The following TTLL5 variants were observed in gnomAD, a reference collection of about 807,000 sequenced individuals.
The protein encoded by TTLL5 is tubulin polyglutamylase TTLL5.
TTLL5 carries 132 observed loss-of-function variants against 168.4 expected under a neutral mutation model. The ratio of observed to expected loss-of-function variants is 0.78; its 90% CI spans 0.68 to 0.91. The LOEUF (loss-of-function observed/expected upper bound fraction) is 0.91. Among genes scored for constraint, TTLL5 ranks in the 40% least tolerant of loss-of-function variants. The pLI is 0.00. For missense variants in TTLL5, 1,545 were observed against 1,581.5 expected, an observed-to-expected ratio of 0.98 and a Z score of 0.39; for synonymous variants, 546 against 558.6, an observed-to-expected ratio of 0.98 and a Z score of 0.32.
At chr14:75,662,131 T>C (rs1890772891) in intron 1 of TTLL5, among the ~76,000 whole-genome samples, 1 of 152,190 alleles carries the variant, frequency 6.6e-6, no homozygotes, top group Admixed American at 6.5e-5. Flanking sequence ...TACCAAACTT[T>C]GTGATTTTTA....
chr14:75,838,712 G>A (rs1248321123), intron 28 of TTLL5: 1 of 152,762 alleles, frequency 6.5e-6, no homozygotes. Flanking sequence ...CTAAGATGTT[G>A]ACAGTGCCTT....
At chr14:75,816,513 G>A (rs764141334) in intron 27 of TTLL5, among the ~76,000 whole-genome samples, 2 of 152,230 alleles carry the variant, frequency 1.3e-5, no homozygotes, top group Non-Finnish European at 2.9e-5. Flanking sequence ...ATTAGGGGCA[G>A]TCTTGCCAAA....
chr14:75,768,723 T>G (rs1175918648), intron 20 of TTLL5, among the ~76,000 whole-genome samples: 2 of 152,182 alleles, frequency 1.3e-5, no homozygotes, highest in African/African-American at 4.8e-5. Flanking sequence ...TTTAGCCGTT[T>G]ATGCATGATA....
chr14:75,706,641 T>C (rs1886677092), intron 7 of TTLL5, among the ~76,000 whole-genome samples: 1 of 152,204 alleles, frequency 6.6e-6, no homozygotes, highest in South Asian at 2.1e-4. Flanking sequence ...AAATTTCCAT[T>C]ATACTTCAGG....
chr14:75,687,128 G>A (rs1331143910), intron 5 of TTLL5, among the ~76,000 whole-genome samples: 1 of 151,888 alleles, frequency 6.6e-6, no homozygotes. Context: ...TTGAAATAAG[G>A]GTCATAGACC....
intron 31 of TTLL5, among the ~76,000 whole-genome samples, chr14:75,911,340 GCAGTTAGTTGATAC>G (rs559520095): frequency 4.1e-4 from 62 of 152,254 alleles, no homozygotes; most frequent in African/African-American, 1.4e-3. Flanking sequence ...GTCTGGTTAT[GCAGTTAGTTGATAC>G]CAGAGAGGAG....
At chr14:75,734,886 A>G (rs1342550336) in intron 14 of TTLL5, among the ~76,000 whole-genome samples, 1 of 152,242 alleles carries the variant, frequency 6.6e-6, no homozygotes, top group Non-Finnish European at 1.5e-5. Flanking sequence ...TGTGTGTTTT[A>G]AAATGGTAAT....
intron 7 of TTLL5, among the ~76,000 whole-genome samples, chr14:75,706,515 A>C (rs1566821785): frequency 6.6e-6 from 1 of 152,208 alleles, no homozygotes; most frequent in East Asian, 1.9e-4. Context: ...CCCTTAAGTG[A>C]ATCAATTAAA....
At chr14:75,908,922 A>C (rs1402326226) in intron 31 of TTLL5, among the ~76,000 whole-genome samples, 2 of 152,092 alleles carry the variant, frequency 1.3e-5, no homozygotes, top group African/African-American at 4.8e-5. Flanking sequence ...GACTACAGGC[A>C]TGTGCCACAA....
chr14:75,914,033 A>AAAAAAAAAATAT, intron 31 of TTLL5, among the ~76,000 whole-genome samples: 1 of 71,100 alleles, frequency 1.4e-5, no homozygotes, highest in African/African-American at 1.5e-4. Context: ...AAAAAAAAAA[A>AAAAAAAAAATAT]ATATATATAT....
intron 29 of TTLL5, among the ~76,000 whole-genome samples, chr14:75,870,229 A>G (rs1002925761): frequency 1.3e-5 from 2 of 150,846 alleles, no homozygotes; most frequent in African/African-American, 4.9e-5. Context: ...GTTTTCCTGC[A>G]CTTAGGCCTA....
chr14:75,663,570 ATGTCCAAACTCT>A (rs2140075470), intron 2 of TTLL5, among the ~76,000 whole-genome samples: 1 of 152,374 alleles, frequency 6.6e-6, no homozygotes, highest in East Asian at 1.9e-4. Context: ...GAAGAAAAGC[ATGTCCAAACTCT>A]ACAACATTAG....
intron 29 of TTLL5, among the ~76,000 whole-genome samples, chr14:75,867,995 G>A (rs1595175262): frequency 6.6e-6 from 1 of 152,336 alleles, no homozygotes; most frequent in African/African-American, 2.4e-5. Context: ...GGTGACATCA[G>A]CATGAGTAGC....
At chr14:75,797,154 C>T (rs1009896188) in intron 27 of TTLL5, among the ~76,000 whole-genome samples, 4 of 151,866 alleles carry the variant, frequency 2.6e-5, no homozygotes, top group Non-Finnish European at 4.4e-5. Flanking sequence ...TAGGTATATC[C>T]GTAAGTATTT....
chr14:75,759,132 G>T (rs1890470650), intron 18 of TTLL5, among the ~76,000 whole-genome samples: 1 of 152,064 alleles, frequency 6.6e-6, no homozygotes, highest in African/African-American at 2.4e-5. Flanking sequence ...AAAGAGAAAG[G>T]ACACTAATTA....
At chr14:75,767,449 A>C (rs532919000) in intron 20 of TTLL5, among the ~76,000 whole-genome samples, 1 of 152,352 alleles carries the variant, frequency 6.6e-6, no homozygotes, top group South Asian at 2.1e-4. Flanking sequence ...TGGCATGAAG[A>C]GGTAACCTTT....
At position 75,697,665 on chromosome 14, in the gene TTLL5, C is replaced by G. The variant is rs375111016; in HGVS notation, c.503-1523C>G. 4.6e-5 allele frequency among the ~76,000 whole-genome samples: 7 copies of G among 152,254 alleles called. No individual in the cohort carries two copies. In the East Asian group the frequency reaches 1.3e-3, roughly 29 times the overall value. On this transcript the variant is annotated intron_variant, in intron 6 of 31. Coordinates refer to ENST00000298832, the MANE Select transcript of TTLL5 (RefSeq NM_015072.5). Reference sequence around the variant, plus strand: ...AGGAGCTGAGCCTAGAGAGCTCCTTCTGAAGACCTGCCTGGTATAGGCCCA... The same window carrying G: ...AGGAGCTGAGCCTAGAGAGCTCCTTGTGAAGACCTGCCTGGTATAGGCCCA...
At chr14:75,790,097 A>G (rs910967437) in intron 26 of TTLL5, among the ~76,000 whole-genome samples, 3 of 152,226 alleles carry the variant, frequency 2.0e-5, no homozygotes, top group African/African-American at 7.2e-5. Context: ...ATCAGAAGAA[A>G]GGGAGAGATG....
In TTLL5 at chr14:75,764,632, C is replaced by T. The variant is rs1393819034; in HGVS notation, c.1568C>T (p.Ala523Val). Residue 523 changes from alanine (A) to valine (V), a missense_variant, in exon 19 of 32, where the codon GCG becomes GTG. Physicochemically the swap from Ala to Val is moderately conservative, Grantham distance 64. Coordinates refer to ENST00000298832, the MANE Select transcript of TTLL5 (RefSeq NM_015072.5). ...LFQDRMTADG[A>V]PELKIESLNS... ...TCCCCTAGAATGACTGCTGATGGAG[C>T]GCCAGAATTGAAGATAGAGAGTCTG... 2.5e-5 allele frequency: 40 copies of T among 1,613,910 alleles called. No homozygotes were observed. Among genetic ancestry groups the T allele is most frequent in the East Asian group, 4.5e-5 (2 of 44,894 alleles).
Sources: allele counts gnomAD v4.1 joint callset (sites outside exome capture counted in the v4.1 genomes callset), GRCh38; gene constraint gnomAD v4.1.1; transcripts MANE v1.5; gene names NCBI Gene and HGNC (gene_info 2026-07-23, HGNC 2026-07-21).